Variants in TMEM53 observed in about 807,000 individuals in gnomAD.
The protein encoded by TMEM53 is novel DUF829 domain-containing protein.
TMEM53 carries 14 observed loss-of-function variants against 21.4 expected under a neutral mutation model. The observed-to-expected ratio is 0.65, with a 90% CI of 0.43 to 1.02. The LOEUF (loss-of-function observed/expected upper bound fraction) is 1.02, where lower values mean the gene tolerates loss of function less well. Ranked by LOEUF, TMEM53 falls within the 50% of genes least tolerant of loss-of-function variation. The pLI, the probability that TMEM53 is intolerant of heterozygous loss-of-function variation, is 0.00. For missense variants in TMEM53, 323 were observed against 383.6 expected (o/e 0.84, Z 1.32); for synonymous variants, 148 against 157.4 (o/e 0.94, Z 0.45).
chr1:44,665,391 T>C (rs111658403), intron 1 of TMEM53, among the ~76,000 whole-genome samples: 2,194 of 152,238 alleles, frequency 0.014, 62 homozygotes, highest in African/African-American at 0.05. Context: ...AATCCCAGTA[T>C]TTTGGAAGGC....
chr1:44,664,685 T>C (rs1644932381), intron 1 of TMEM53, among the ~76,000 whole-genome samples: 1 of 152,126 alleles, frequency 6.6e-6, no homozygotes, highest in Non-Finnish European at 1.5e-5. Flanking sequence ...CCTGTATACA[T>C]GGCTGCCTCC....
At chr1:44,672,852 C>T (rs1263285915) in intron 1 of TMEM53, among the ~76,000 whole-genome samples, 1 of 152,058 alleles carries the variant, frequency 6.6e-6, no homozygotes, top group Non-Finnish European at 1.5e-5. Context: ...GCCAGGGACA[C>T]ACATCCAAAC....
chr1:44,665,014 A>C (rs1420142495), intron 1 of TMEM53, among the ~76,000 whole-genome samples: 3 of 151,816 alleles, frequency 2.0e-5, no homozygotes, highest in African/African-American at 7.3e-5. Flanking sequence ...GCTAATGCCC[A>C]TTCCACCTAT....
Position 44,654,737 on chromosome 1 carries a change from GC to G in TMEM53, c.655del (p.Ala219LeufsTer4). On this transcript the variant is annotated frameshift_variant, in exon 3 of 3. Transcript: ENST00000372237. LOFTEE classifies it high-confidence loss of function. This position sits in a 1 kb window ranked among gnomAD's most constrained non-coding sequence, Gnocchi z 7.0. ...RWPELYLYSR[A>X]DEVVLARDIE... ...GTCTCTGGCCAGGACTACTTCGTCA[GC>G]CCTCGAGTAGAGGTAGAGCTCGGGC... 6.2e-7 allele frequency: 1 copy of G among 1,614,138 alleles called. No homozygotes were observed. The highest frequency in any genetic ancestry group is 1.6e-4 in the Middle Eastern group (1 of 6,062).
chr1:44,666,993 G>A (rs560458771), intron 1 of TMEM53, among the ~76,000 whole-genome samples: 1 of 151,988 alleles, frequency 6.6e-6, no homozygotes, highest in East Asian at 1.9e-4. Flanking sequence ...ACAGGCACAT[G>A]GTACCACACC....
intron 1 of TMEM53, among the ~76,000 whole-genome samples, chr1:44,670,958 C>T (rs1644994834): frequency 6.6e-6 from 1 of 152,224 alleles, no homozygotes; most frequent in African/African-American, 2.4e-5. Flanking sequence ...GTGGCACGGC[C>T]TGGGCCTGGG....
At position 44,654,901 on chromosome 1, in the gene TMEM53, G is replaced by A; in HGVS notation, c.492C>T (p.Arg164=). 6.2e-7 allele frequency: 1 copy of A among 1,612,628 alleles called. No individual in the cohort carries two copies. Among genetic ancestry groups the A allele is most frequent in the Non-Finnish European group, 8.5e-7 (1 of 1,179,650 alleles). The change falls in exon 3 of 3, where the codon CGC becomes CGT. Residue 164 remains arginine (R), a synonymous_variant. Transcript: ENST00000372237. This position sits in a 1 kb window ranked among gnomAD's most constrained non-coding sequence, Gnocchi z 7.0. ...GCAACAGGCGCAGCATGGCGGCCCG[G>A]CGCTCCAGGATGGCTGCCAGGGCCC... ...ALRALAAILE[R]RAAMLRLLLL... is the part of the protein sequence containing the mutation.
At chr1:44,664,942 G>A (rs1644935001) in intron 1 of TMEM53, among the ~76,000 whole-genome samples, 1 of 151,964 alleles carries the variant, frequency 6.6e-6, no homozygotes, top group East Asian at 1.9e-4. Context: ...CTCCACCACC[G>A]CGACCTTGCA....
intron 1 of TMEM53, chr1:44,673,773 TA>T: frequency 1.1e-6 from 1 of 893,482 alleles, no homozygotes; most frequent in Non-Finnish European, 1.3e-6. Flanking sequence ...TTACCAAAGG[TA>T]ATCCAGCTCC....
chr1:44,654,155 G>T lies in TMEM53; in HGVS notation c.*404C>A. On this transcript the variant is annotated 3_prime_UTR_variant, in exon 3 of 3. Coordinates refer to ENST00000372237, the MANE Select transcript of TMEM53 (RefSeq NM_024587.4). This position sits in a 1 kb window ranked among gnomAD's most constrained non-coding sequence, Gnocchi z 7.0. ...ATAAATAGATAAATAAATAAGTAAA[G>T]AAAAAAAGAGAGTAGGTCTCATATT... 6.3e-6 allele frequency: 1 copy of T among 159,880 alleles called. No homozygotes were observed. The highest frequency in any genetic ancestry group is 1.4e-5 in the Non-Finnish European group (1 of 73,392). The allele number at this position is 159,880 out of a possible 1,614,324, so 9.9% of individuals were successfully genotyped here. A position where few individuals can be genotyped will look rare whatever the true frequency, so the allele number is the denominator to read the frequency against.
At position 44,654,990 on chromosome 1, in the gene TMEM53, G is replaced by A. The variant is rs147880398; in HGVS notation, c.403C>T (p.Leu135=). ...ELLQTRRFCR[L]RVVGTIFDSA... ...TCAAAGATGGTGCCCACCACACGCA[G>A]GCGGCAGAAGCGACGGGTCTGCAGG... is the stretch of plus-strand genomic sequence containing the variant. Residue 135 remains leucine, a synonymous_variant, in exon 3 of 3, where the codon CTG becomes TTG. Coordinates refer to ENST00000372237, the MANE Select transcript of TMEM53 (RefSeq NM_024587.4). This position sits in a 1 kb window ranked among gnomAD's most constrained non-coding sequence, Gnocchi z 7.0. The A allele has an allele frequency of 6.2e-7, 1 of 1,613,974 alleles. No individual in the cohort carries two copies. The highest frequency in any genetic ancestry group is 1.7e-5 in the Admixed American group (1 of 60,008).
At chr1:44,659,856 T>TTC (rs1491200948) in intron 2 of TMEM53, among the ~76,000 whole-genome samples, 3 of 81,904 alleles carry the variant, frequency 3.7e-5, no homozygotes, top group African/African-American at 7.0e-5. Context: ...CCTCACAGGC[T>TTC]TTTTTTTTTT....
rs1220342968 is a variant in TMEM53, at chr1:44,655,582, C to A, written c.184-373G>T. ...CTGTGCCCCGCACTCCCATCCTAGG[C>A]CTTGCACATTTGGGATGGGGCCTCA... On this transcript the variant is annotated intron_variant, in intron 2 of 2. Transcript: ENST00000372237. The surrounding 1 kb of genome is among the most constrained non-coding windows in gnomAD (Gnocchi z 4.4). 6.6e-6 allele frequency among the ~76,000 whole-genome samples: 1 copy of A among 152,140 alleles called. No individual in the cohort carries two copies. The highest frequency in any genetic ancestry group is 2.4e-5 in the African/African-American group (1 of 41,436).
intron 2 of TMEM53, among the ~76,000 whole-genome samples, chr1:44,656,673 G>A (rs953164291): frequency 2.0e-5 from 3 of 152,050 alleles, no homozygotes; most frequent in African/African-American, 7.2e-5. Flanking sequence ...GAAAAAAGGG[G>A]CTGTTCTATA....
chr1:44,673,927 C>T, intron 1 of TMEM53: 1 of 985,378 alleles, frequency 1.0e-6, no homozygotes, highest in East Asian at 1.1e-4. Flanking sequence ...CGCGAGCCTC[C>T]CCCTCCACGC....
intron 2 of TMEM53, 38 bp downstream of exon 2, chr1:44,660,136 T>C: frequency 1.2e-6 from 2 of 1,600,596 alleles, no homozygotes; most frequent in Non-Finnish European, 1.7e-6. Context: ...TGGTCAGCCC[T>C]CACGGCAGCC....
At chr1:44,670,471 T>C (rs957352586) in intron 1 of TMEM53, among the ~76,000 whole-genome samples, 2 of 152,184 alleles carry the variant, frequency 1.3e-5, no homozygotes, top group South Asian at 4.1e-4. Context: ...TGGACTTGAC[T>C]TCCACACTTT....
chr1:44,673,851 C>G, intron 1 of TMEM53: 1 of 985,410 alleles, frequency 1.0e-6, no homozygotes, highest in Non-Finnish European at 1.2e-6. Context: ...TTAACCACTG[C>G]CGAGAAGAGT....
chr1:44,667,864 T>C (rs1644962869), intron 1 of TMEM53, among the ~76,000 whole-genome samples: 2 of 152,172 alleles, frequency 1.3e-5, no homozygotes, highest in Admixed American at 1.3e-4. Flanking sequence ...TTTTCAACCC[T>C]AGCACTTCTC....
Sources: gnomAD v4.1 joint callset for allele counts (sites outside exome capture counted in the v4.1 genomes callset) on GRCh38, gnomAD v4.1.1 for gene constraint, Gnocchi (gnomAD v3.1) non-coding constraint, MANE v1.5 for transcripts, NCBI Gene and HGNC (gene_info 2026-07-23, HGNC 2026-07-21) for gene names.